ADCY2: variants seen among roughly 807,000 people sequenced by gnomAD.
ADCY2 encodes the protein adenylate cyclase 2, also known as adenylate cyclase type 2.
ADCY2 carries 31 observed loss-of-function variants against 125.2 expected under a neutral mutation model. That is an observed-to-expected ratio of 0.25 (90% CI 0.19 to 0.33). The LOEUF (loss-of-function observed/expected upper bound fraction) is 0.33. Among genes scored for constraint, ADCY2 ranks in the 10% least tolerant of loss-of-function variants. The pLI is 1.00. For synonymous variants in ADCY2, 512 were observed against 548.4 expected, an observed-to-expected ratio of 0.93 and a Z score of 0.93; for missense variants, 904 against 1,418.2, an observed-to-expected ratio of 0.64 and a Z score of 5.82.
intron 2 of ADCY2, among the ~76,000 whole-genome samples, chr5:7,423,556 G>C (rs577066960): frequency 6.6e-6 from 1 of 152,146 alleles, no homozygotes; most frequent in South Asian, 2.1e-4. Flanking sequence ...CATGTAAGAC[G>C]TGACTTTGCT....
intron 2 of ADCY2, among the ~76,000 whole-genome samples, chr5:7,451,501 T>C (rs1048927473): frequency 6.6e-6 from 1 of 152,206 alleles, no homozygotes; most frequent in African/African-American, 2.4e-5. Flanking sequence ...AGCAAAGTAG[T>C]TTCTTAGGAT....
intron 3 of ADCY2, among the ~76,000 whole-genome samples, chr5:7,574,707 G>A (rs1270896000): frequency 6.6e-6 from 1 of 152,168 alleles, no homozygotes; most frequent in African/African-American, 2.4e-5. Context: ...AGATGTAGAG[G>A]AGAATCTAGT....
intron 2 of ADCY2, among the ~76,000 whole-genome samples, chr5:7,445,040 C>G (rs748844116): frequency 6.6e-6 from 1 of 152,074 alleles, no homozygotes; most frequent in Non-Finnish European, 1.5e-5. Context: ...CCAGTTTTTA[C>G]CTTGTCTTTT....
intron 3 of ADCY2, among the ~76,000 whole-genome samples, chr5:7,560,551 T>C (rs1211623817): frequency 1.3e-5 from 2 of 152,184 alleles, no homozygotes; most frequent in African/African-American, 4.8e-5. Context: ...TATGCACATG[T>C]CTGATATTCA....
chr5:7,603,397 C>T (rs988151555), intron 3 of ADCY2, among the ~76,000 whole-genome samples: 5 of 152,236 alleles, frequency 3.3e-5, no homozygotes, highest in Non-Finnish European at 7.3e-5. Flanking sequence ...CACTGCCCCA[C>T]CTCTTACTGG....
At chr5:7,627,442 T>C (rs766247550) in intron 4 of ADCY2, among the ~76,000 whole-genome samples, 13 of 152,204 alleles carry the variant, frequency 8.5e-5, no homozygotes, top group Non-Finnish European at 1.5e-4. Flanking sequence ...TGATGGCAGA[T>C]ATCCATGTGA....
intron 3 of ADCY2, among the ~76,000 whole-genome samples, chr5:7,618,327 A>G (rs924281009): frequency 6.6e-6 from 1 of 152,166 alleles, no homozygotes; most frequent in Non-Finnish European, 1.5e-5. Context: ...GTGTAATTCC[A>G]AATTGACCTT....
intron 22 of ADCY2, among the ~76,000 whole-genome samples, chr5:7,813,093 A>G (rs2081968748): frequency 1.3e-5 from 2 of 152,224 alleles, no homozygotes; most frequent in African/African-American, 4.8e-5. Flanking sequence ...AGGTAAGCTG[A>G]TTATCACAGT....
intron 2 of ADCY2, among the ~76,000 whole-genome samples, chr5:7,520,343 G>C (rs754493273): frequency 6.6e-6 from 1 of 152,034 alleles, no homozygotes; most frequent in Non-Finnish European, 1.5e-5. Context: ...TCTCCACCCT[G>C]TCCACCCCCG....
chr5:7,528,309 A>G (rs1734538616), intron 3 of ADCY2, among the ~76,000 whole-genome samples: 1 of 152,208 alleles, frequency 6.6e-6, no homozygotes, highest in Non-Finnish European at 1.5e-5. Flanking sequence ...CAGCATTAAC[A>G]TTTAATGCAG....
At chr5:7,763,687 G>A (rs748379164) in intron 16 of ADCY2, among the ~76,000 whole-genome samples, 1 of 152,278 alleles carries the variant, frequency 6.6e-6, no homozygotes, top group Non-Finnish European at 1.5e-5. Flanking sequence ...GTCCCTCTGT[G>A]TCTGGCTCCT....
At chr5:7,414,015 A>G (rs1739838366) in intron 1 of ADCY2, among the ~76,000 whole-genome samples, 1 of 152,156 alleles carries the variant, frequency 6.6e-6, no homozygotes, top group African/African-American at 2.4e-5. Flanking sequence ...GCCCTCCTGT[A>G]TGCATTTCCC....
chr5:7,447,769 G>T (rs1304815467), intron 2 of ADCY2, among the ~76,000 whole-genome samples: 1 of 152,176 alleles, frequency 6.6e-6, no homozygotes, highest in African/African-American at 2.4e-5. Flanking sequence ...AGATGCTGTT[G>T]TACCAGATCT....
At chr5:7,626,726 T>G (rs1284455618) in intron 4 of ADCY2, among the ~76,000 whole-genome samples, 2 of 151,488 alleles carry the variant, frequency 1.3e-5, no homozygotes, top group Non-Finnish European at 2.9e-5. Flanking sequence ...AACAATAGAG[T>G]GAGAAACTCC....
chr5:7,710,678 A>G (rs138004551), intron 10 of ADCY2, among the ~76,000 whole-genome samples: 66 of 152,354 alleles, frequency 4.3e-4, no homozygotes, highest in African/African-American at 1.4e-3. Context: ...GGTGAGATGC[A>G]CCACGGTAAA....
At chr5:7,659,397 C>A (rs1031606836) in intron 4 of ADCY2, among the ~76,000 whole-genome samples, 5 of 152,166 alleles carry the variant, frequency 3.3e-5, no homozygotes, top group Non-Finnish European at 7.4e-5. Flanking sequence ...TTATAATACC[C>A]AGATTGCTGT....
At chr5:7,678,474 A>G (rs1173067303) in intron 4 of ADCY2, among the ~76,000 whole-genome samples, 2 of 152,262 alleles carry the variant, frequency 1.3e-5, no homozygotes, top group East Asian at 1.9e-4. Context: ...CTGGAAATCT[A>G]TGCATGCATA....
Position 7,540,980 on chromosome 5 carries a change from C to T in ADCY2, c.570+20081C>T, listed in dbSNP as rs115891399. Reference sequence around the variant, plus strand: ...CAGGTTTCACTCTCTCAGCTGAGAACGTTCTCCTAATGCTGTGCTTCCCAT... The same window carrying T: ...CAGGTTTCACTCTCTCAGCTGAGAATGTTCTCCTAATGCTGTGCTTCCCAT... On this transcript the variant is annotated intron_variant, in intron 3 of 24. Coordinates refer to ENST00000338316, the MANE Select transcript of ADCY2 (RefSeq NM_020546.3). 4.2e-3 allele frequency among the ~76,000 whole-genome samples: 644 copies of T among 152,284 alleles called. 1 individual carries two copies. The highest frequency in any genetic ancestry group is 0.015 in the African/African-American group (611 of 41,568).
intron 3 of ADCY2, among the ~76,000 whole-genome samples, chr5:7,581,689 C>CT (rs1736439369): frequency 6.6e-6 from 1 of 151,790 alleles, no homozygotes; most frequent in African/African-American, 2.4e-5. Flanking sequence ...GGTTTGGTGG[C>CT]ACATGCCTGT....
Sources: allele counts gnomAD v4.1 joint callset (sites outside exome capture counted in the v4.1 genomes callset), GRCh38; gene constraint gnomAD v4.1.1; transcripts MANE v1.5; gene names NCBI Gene and HGNC (gene_info 2026-07-23, HGNC 2026-07-21).